CPNE4: variants seen among roughly 807,000 people sequenced by gnomAD.
The protein encoded by CPNE4 is copine-4.
CPNE4 carries 25 observed loss-of-function variants against 67.9 expected under a neutral mutation model. That is an observed-to-expected ratio of 0.37 (90% CI 0.27 to 0.51). The LOEUF (loss-of-function observed/expected upper bound fraction) is 0.51. Ranked by LOEUF, CPNE4 falls within the 20% of genes least tolerant of loss-of-function variation. The pLI is 0.93. For synonymous variants in CPNE4, 242 were observed against 244.9 expected, an observed-to-expected ratio of 0.99 and a Z score of 0.11; for missense variants, 464 against 690.8, an observed-to-expected ratio of 0.67 and a Z score of 3.68.
At chr3:131,601,023 G>A (rs893276998) in intron 7 of CPNE4, among the ~76,000 whole-genome samples, 11 of 152,122 alleles carry the variant, frequency 7.2e-5, no homozygotes, top group African/African-American at 2.7e-4. Context: ...GGTTAAAGAA[G>A]TCACTACCTT....
At position 131,588,285 on chromosome 3, in the gene CPNE4, T is replaced by C. The variant is rs143056861; in HGVS notation, c.682-703A>G. On this transcript the variant is annotated intron_variant, in intron 7 of 15. Coordinates refer to ENST00000429747, the MANE Select transcript of CPNE4 (RefSeq NM_130808.3). ...TATTCAGCTCTCGAGTGATACTTTT[T>C]AGAGTGACTAGACTGAATCAGCAGC... is the stretch of plus-strand genomic sequence containing the variant. 3.6e-3 allele frequency among the ~76,000 whole-genome samples: 543 copies of C among 152,324 alleles called. 1 individual carries two copies. Among genetic ancestry groups the C allele is most frequent in the South Asian group, 0.01 (50 of 4,828 alleles).
intron 13 of CPNE4, among the ~76,000 whole-genome samples, chr3:131,551,346 G>A (rs1268548813): frequency 6.6e-6 from 1 of 152,050 alleles, no homozygotes; most frequent in Non-Finnish European, 1.5e-5. Flanking sequence ...AGCTCCTTAT[G>A]TTTTTTTGGT....
intron 3 of CPNE4, among the ~76,000 whole-genome samples, chr3:131,717,879 TTTC>T (rs1431299777): frequency 0.079 from 2,844 of 36,020 alleles, 157 homozygotes; most frequent in Non-Finnish European, 0.11. Context: ...CTTTCTTTTC[TTTC>T]TTTCTTTCTT....
In CPNE4 at chr3:131,615,933, A is replaced by G. The variant is rs527439924; in HGVS notation, c.682-28351T>C. ...CACACACACACACACACACACGCACACACACACACACACACACAAAAGAAC... is the reference window on the plus strand; with the variant it reads ...CACACACACACACACACACACGCACGCACACACACACACACACAAAAGAAC... On this transcript the variant is annotated intron_variant, in intron 7 of 15. Transcript: ENST00000429747. Among the ~76,000 whole-genome samples the G allele has an allele frequency of 6.7e-3, 871 of 130,630 alleles. 4 individuals are homozygous for G. Among genetic ancestry groups the G allele is most frequent in the African/African-American group, 9.8e-3 (348 of 35,542 alleles). The allele number at this position is 130,630 out of a possible 152,430, so 85.7% of individuals were successfully genotyped here. A position where few individuals can be genotyped will look rare whatever the true frequency, so the allele number is the denominator to read the frequency against.
intron 1 of CPNE4, among the ~76,000 whole-genome samples, chr3:131,957,795 T>C (rs917524633): frequency 2.6e-5 from 4 of 152,246 alleles, no homozygotes; most frequent in African/African-American, 7.2e-5. Context: ...ACAATTCTAC[T>C]GCATTTTCTG....
intron 2 of CPNE4, among the ~76,000 whole-genome samples, chr3:131,802,344 A>G (rs936652343): frequency 2.0e-5 from 3 of 152,186 alleles, no homozygotes; most frequent in Non-Finnish European, 4.4e-5. Flanking sequence ...TTATTCTAAC[A>G]AGGTAATTCA....
At chr3:132,023,002 G>A (rs890158337) in intron 1 of CPNE4, among the ~76,000 whole-genome samples, 1 of 152,160 alleles carries the variant, frequency 6.6e-6, no homozygotes, top group African/African-American at 2.4e-5. Flanking sequence ...ACTTAATGAT[G>A]CTATAAAGCA....
intron 7 of CPNE4, among the ~76,000 whole-genome samples, chr3:131,654,589 T>TA (rs1351518085): frequency 6.6e-6 from 1 of 152,228 alleles, no homozygotes; most frequent in Non-Finnish European, 1.5e-5. Context: ...GAAGCATTCC[T>TA]ACTTGTGCAC....
chr3:131,851,065 G>A (rs918303500), intron 2 of CPNE4, among the ~76,000 whole-genome samples: 1 of 151,186 alleles, frequency 6.6e-6, no homozygotes. Flanking sequence ...AACACAATGA[G>A]GGAATGTACT....
At chr3:131,908,717 C>T (rs1212822716) in intron 1 of CPNE4, among the ~76,000 whole-genome samples, 3 of 152,088 alleles carry the variant, frequency 2.0e-5, no homozygotes, top group Admixed American at 6.6e-5. Context: ...TAGAATGGGA[C>T]ATCTCTAATA....
intron 1 of CPNE4, among the ~76,000 whole-genome samples, chr3:131,974,325 T>TAC (rs747183741): frequency 5.3e-5 from 8 of 152,220 alleles, no homozygotes; most frequent in Admixed American, 5.2e-4. Flanking sequence ...CCTGCATCTA[T>TAC]ACACACATGT....
chr3:131,671,674 A>G (rs2080421751), intron 6 of CPNE4, among the ~76,000 whole-genome samples: 1 of 152,184 alleles, frequency 6.6e-6, no homozygotes, highest in African/African-American at 2.4e-5. Flanking sequence ...TCTTGGGAAC[A>G]GGAGAATTTA....
intron 10 of CPNE4, among the ~76,000 whole-genome samples, chr3:131,567,034 C>T (rs1937092662): frequency 6.6e-6 from 1 of 151,944 alleles, no homozygotes; most frequent in South Asian, 2.1e-4. Context: ...TCATGGGTCA[C>T]CACCTCCTTA....
At chr3:131,577,970 A>G (rs78153552) in intron 9 of CPNE4, among the ~76,000 whole-genome samples, 5,517 of 152,204 alleles carry the variant, frequency 0.036, 300 homozygotes, top group African/African-American at 0.12. Context: ...CATGCTAATA[A>G]GCCCTTCATA....
At chr3:131,703,987 A>G (rs1312380452) in intron 3 of CPNE4, among the ~76,000 whole-genome samples, 1 of 152,218 alleles carries the variant, frequency 6.6e-6, no homozygotes, top group Admixed American at 6.5e-5. Flanking sequence ...ACAAAGTTTA[A>G]CATTTCAACT....
intron 2 of CPNE4, among the ~76,000 whole-genome samples, chr3:131,760,217 T>C (rs2082853491): frequency 6.6e-6 from 1 of 152,184 alleles, no homozygotes; most frequent in African/African-American, 2.4e-5. Flanking sequence ...CTAAGTTATA[T>C]CTGTAGGAGT....
At chr3:131,942,421 C>CGG (rs2071413504) in intron 1 of CPNE4, among the ~76,000 whole-genome samples, 1 of 89,670 alleles carries the variant, frequency 1.1e-5, no homozygotes, top group African/African-American at 4.4e-5. Context: ...CTAGCTTCCT[C>CGG]GTGTGTGTGT....
At chr3:132,012,353 G>C (rs1030926792) in intron 1 of CPNE4, among the ~76,000 whole-genome samples, 1 of 152,046 alleles carries the variant, frequency 6.6e-6, no homozygotes, top group East Asian at 1.9e-4. Flanking sequence ...AATTTTAGTA[G>C]AGACGGTGTT....
intron 1 of CPNE4, among the ~76,000 whole-genome samples, chr3:131,987,314 G>C (rs2107645458): frequency 6.6e-6 from 1 of 152,180 alleles, no homozygotes; most frequent in Admixed American, 6.5e-5. Flanking sequence ...ATTTGATGTG[G>C]GAAAAGGTAA....
Sources: allele counts gnomAD v4.1 joint callset (sites outside exome capture counted in the v4.1 genomes callset), GRCh38; gene constraint gnomAD v4.1.1; transcripts MANE v1.5; gene names NCBI Gene and HGNC (gene_info 2026-07-23, HGNC 2026-07-21).